PDE1A: variants seen among roughly 807,000 people sequenced by gnomAD.
PDE1A encodes the protein dual specificity calcium/calmodulin-dependent 3',5'-cyclic nucleotide phosphodiesterase 1A.
In PDE1A, 35 loss-of-function variants were observed where a neutral mutation model predicts 61.7. That is an observed-to-expected ratio of 0.57 (90% confidence interval 0.43 to 0.75). PDE1A has a LOEUF of 0.75. Ranked by LOEUF, PDE1A falls within the 30% of genes least tolerant of loss-of-function variation. The pLI is 0.00. For missense variants in PDE1A, 597 were observed against 630.6 expected, an observed-to-expected ratio of 0.95 and a Z score of 0.57; for synonymous variants, 232 against 213.2, an observed-to-expected ratio of 1.09 and a Z score of -0.77.
intron 1 of PDE1A, among the ~76,000 whole-genome samples, chr2:182,367,804 G>T (rs1011117174): frequency 6.6e-6 from 1 of 151,748 alleles, no homozygotes; most frequent in South Asian, 2.1e-4. Flanking sequence ...ACATTAACCT[G>T]GAAATATCTA....
chr2:182,559,149 T>C, the PDE1A span, among the ~76,000 whole-genome samples: 1 of 152,160 alleles, frequency 6.6e-6, no homozygotes, highest in Non-Finnish European at 1.5e-5. Context: ...AAAAAACCAT[T>C]ATAACATTAA....
intron 1 of PDE1A, among the ~76,000 whole-genome samples, chr2:182,395,620 C>G (rs1362727597): frequency 6.6e-6 from 1 of 152,176 alleles, no homozygotes; most frequent in African/African-American, 2.4e-5. Context: ...ACTGAGCGAC[C>G]TGAAGTGTGC....
chr2:182,567,609 T>C, the PDE1A span, among the ~76,000 whole-genome samples: 1 of 152,278 alleles, frequency 6.6e-6, no homozygotes, highest in African/African-American at 2.4e-5. Flanking sequence ...TCAACAAAAA[T>C]AATGTTTTAA....
chr2:182,236,367 T>A (rs555937275), intron 3 of PDE1A, among the ~76,000 whole-genome samples: 1 of 151,196 alleles, frequency 6.6e-6, no homozygotes, highest in South Asian at 2.1e-4. Context: ...TTGGAAACAG[T>A]CTTTTCCATC....
At chr2:182,277,945 G>A (rs1047257030) in intron 1 of PDE1A, among the ~76,000 whole-genome samples, 1 of 151,930 alleles carries the variant, frequency 6.6e-6, no homozygotes, top group Non-Finnish European at 1.5e-5. Context: ...AGGTTACACT[G>A]AACAACTGTC....
At position 182,264,099 on chromosome 2, in the gene PDE1A, T is replaced by C. The variant is rs3769779; in HGVS notation, c.167+202A>G. 0.11 allele frequency among the ~76,000 whole-genome samples: 16,040 copies of C among 152,222 alleles called. 1,187 individuals are homozygous for C. Among genetic ancestry groups the C allele is most frequent in the East Asian group, 0.32 (1,638 of 5,174 alleles). On this transcript the variant is annotated intron_variant, in intron 2 of 13. Coordinates refer to ENST00000351439, the Ensembl canonical transcript of PDE1A. ...ATCTTATGACATTCAAACATTTGGA[T>C]TAAAATGTGTATTAATTTTAGAGAA...
intron 1 of PDE1A, among the ~76,000 whole-genome samples, chr2:182,377,182 G>A (rs912190002): frequency 2.0e-5 from 3 of 152,210 alleles, no homozygotes; most frequent in Admixed American, 6.5e-5. Flanking sequence ...AATGCTGGAA[G>A]TGGGGCCTAG....
chr2:182,430,161 G>A (rs1326564427), upstream of PDE1A, among the ~76,000 whole-genome samples: 1 of 151,384 alleles, frequency 6.6e-6, no homozygotes, highest in African/African-American at 2.4e-5. Context: ...CCATCAGAGT[G>A]AACAGGCAAC....
chr2:182,231,418 C>G (rs937364263), intron 4 of PDE1A, among the ~76,000 whole-genome samples: 1 of 152,150 alleles, frequency 6.6e-6, no homozygotes, highest in Non-Finnish European at 1.5e-5. Context: ...TCTTTAATCT[C>G]TCTCCAACTT....
At chr2:182,236,195 T>C (rs1394628064) in intron 3 of PDE1A, among the ~76,000 whole-genome samples, 1 of 152,216 alleles carries the variant, frequency 6.6e-6, no homozygotes, top group African/African-American at 2.4e-5. Context: ...TATATCTCTA[T>C]TGAAAGATTT....
the PDE1A span, among the ~76,000 whole-genome samples, chr2:182,666,237 C>T: frequency 6.6e-6 from 1 of 152,114 alleles, no homozygotes; most frequent in Non-Finnish European, 1.5e-5. Flanking sequence ...TTTAAAAAAT[C>T]ACCCCTCAAA....
At chr2:182,498,762 G>A (rs1296316847) in intron 2 of PDE1A, among the ~76,000 whole-genome samples, 1 of 151,838 alleles carries the variant, frequency 6.6e-6, no homozygotes, top group Non-Finnish European at 1.5e-5. Flanking sequence ...GGCTAACACG[G>A]TGAAACCCCG....
chr2:182,434,219 A>G (rs1394589294), intron 2 of PDE1A, among the ~76,000 whole-genome samples: 1 of 152,090 alleles, frequency 6.6e-6, no homozygotes, highest in Admixed American at 6.6e-5. Context: ...TAAGACCCTA[A>G]AAACAGACTC....
the PDE1A span, among the ~76,000 whole-genome samples, chr2:182,621,211 A>G: frequency 2.6e-5 from 4 of 151,558 alleles, no homozygotes; most frequent in Non-Finnish European, 3.0e-5. Flanking sequence ...ATCTTTCCAC[A>G]TCTCCAGGTA....
At chr2:182,657,023 G>T in the PDE1A span, among the ~76,000 whole-genome samples, 4 of 152,102 alleles carry the variant, frequency 2.6e-5, no homozygotes, top group Non-Finnish European at 5.9e-5. Flanking sequence ...AAGAAATCAA[G>T]ACCATCCTAG....
the PDE1A span, among the ~76,000 whole-genome samples, chr2:182,670,874 G>T: frequency 6.6e-6 from 1 of 152,172 alleles, no homozygotes; most frequent in Admixed American, 6.5e-5. Context: ...CTGGAGTGCA[G>T]TGGTGTGATC....
the PDE1A span, among the ~76,000 whole-genome samples, chr2:182,683,234 G>C: frequency 1.3e-5 from 2 of 151,694 alleles, no homozygotes; most frequent in Non-Finnish European, 2.9e-5. Flanking sequence ...TGGGATTACA[G>C]GCGTGCTGTA....
intron 1 of PDE1A, among the ~76,000 whole-genome samples, chr2:182,401,032 A>C (rs1559422051): frequency 6.6e-6 from 1 of 151,942 alleles, no homozygotes; most frequent in Non-Finnish European, 1.5e-5. Context: ...AAACCTGTAT[A>C]CCCTCTGAGG....
At chr2:182,526,086 T>C (rs1348908918), upstream of PDE1A, among the ~76,000 whole-genome samples, 1 of 152,080 alleles carries the variant, frequency 6.6e-6, no homozygotes, top group Non-Finnish European at 1.5e-5. Flanking sequence ...GTGGATTAAA[T>C]TCATCAAGAA....
Sources: allele counts gnomAD v4.1 joint callset (sites outside exome capture counted in the v4.1 genomes callset), GRCh38; gene constraint gnomAD v4.1.1; transcripts MANE v1.5; gene names NCBI Gene and HGNC (gene_info 2026-07-23, HGNC 2026-07-21).